The following ZNF512 variants were observed in gnomAD, a reference collection of about 807,000 sequenced individuals.
ZNF512 encodes the protein zinc finger protein 512.
A neutral mutation model predicts 77.5 loss-of-function variants in ZNF512; 25 were observed. The observed-to-expected ratio is 0.32, with a 90% CI of 0.23 to 0.45. ZNF512 has a LOEUF of 0.45. ZNF512 is among the 20% of genes least tolerant of loss of function. The probability of loss-of-function intolerance (pLI) is 1.00; values close to 1 mark genes in which losing one functional copy is unlikely to be tolerated. For synonymous variants in ZNF512, 246 were observed against 239.9 expected (o/e 1.03, Z -0.24); for missense variants, 483 against 692.6 (o/e 0.70, Z 3.40).
chr2:27,592,478 G>A (rs1045679396), intron 2 of ZNF512, among the ~76,000 whole-genome samples: 16 of 151,280 alleles, frequency 1.1e-4, no homozygotes, highest in African/African-American at 3.9e-4. Context: ...ACCACACCCA[G>A]CTAATTTTTG....
At chr2:27,592,068 C>T (rs189879029) in intron 2 of ZNF512, among the ~76,000 whole-genome samples, 2 of 152,252 alleles carry the variant, frequency 1.3e-5, no homozygotes, top group East Asian at 3.9e-4. Flanking sequence ...CTGCTCACTG[C>T]AGCCTCATCC....
At chr2:27,585,226 A>C (rs990882411) in intron 2 of ZNF512, among the ~76,000 whole-genome samples, 7 of 152,230 alleles carry the variant, frequency 4.6e-5, no homozygotes, top group Admixed American at 1.3e-4. Context: ...AACATTTGGA[A>C]CAAAAACAAA....
At chr2:27,603,861 G>C (rs1349904483) in intron 9 of ZNF512, among the ~76,000 whole-genome samples, 1 of 151,750 alleles carries the variant, frequency 6.6e-6, no homozygotes, top group Non-Finnish European at 1.5e-5. Context: ...ACCTCCCAAA[G>C]TGCTGGGATT....
At chr2:27,608,703 A>G (rs1558473703) in intron 10 of ZNF512, among the ~76,000 whole-genome samples, 2 of 152,150 alleles carry the variant, frequency 1.3e-5, no homozygotes, top group African/African-American at 4.8e-5. Context: ...AACAGGTTGA[A>G]GGGATACATA....
chr2:27,583,815 A>G, intron 2 of ZNF512, 99 bp downstream of exon 2: 1 of 1,331,246 alleles, frequency 7.5e-7, no homozygotes, highest in Non-Finnish European at 1.0e-6. Flanking sequence ...TGCATTGTCC[A>G]GTATCATAGC....
At position 27,621,248 on chromosome 2, in the gene ZNF512, G is replaced by A. The variant is rs761141976; in HGVS notation, c.1491G>A (p.Gln497=). 2.9e-5 allele frequency: 47 copies of A among 1,614,096 alleles called. No individual in the cohort carries two copies. In the East Asian group the frequency reaches 1.0e-3, roughly 34 times the overall value. ...RQQEEEKRRQ[Q]HRSRRSLRRR... is the part of the protein sequence containing the mutation. ...AAGAAGAAGAAAAGCGGAGGCAGCA[G>A]CACAGGAGCAGAAGGTCTCTAAGAA... The change falls in exon 14 of 14, where the codon CAG becomes CAA. Residue 497 remains glutamine, a synonymous_variant. Transcript: ENST00000355467.
In ZNF512 at chr2:27,613,533, C is replaced by G. The variant is rs186468622; in HGVS notation, c.1132-1635C>G. Among the ~76,000 whole-genome samples the G allele has an allele frequency of 4.1e-3, 622 of 151,956 alleles. 4 individuals are homozygous for G. Among genetic ancestry groups the G allele is most frequent in the Non-Finnish European group, 7.0e-3 (474 of 67,950 alleles). ...AAATTTATATATATATACAGTTGTC[C>G]CTCAGTACATGTGGGGCATTTGTTC... On this transcript the variant is annotated intron_variant, in intron 10 of 13. Transcript: ENST00000355467.
intron 2 of ZNF512, among the ~76,000 whole-genome samples, chr2:27,585,922 T>C (rs1671304715): frequency 6.6e-6 from 1 of 152,084 alleles, no homozygotes; most frequent in African/African-American, 2.4e-5. Flanking sequence ...TGTCCTGGGG[T>C]TGATGGGTAG....
chr2:27,601,253 T>C (rs1418191804), intron 6 of ZNF512, 103 bp from the exon 7 acceptor site: 5 of 822,714 alleles, frequency 6.1e-6, no homozygotes, highest in Non-Finnish European at 9.4e-6. Flanking sequence ...ACTATTGAGC[T>C]TGAGAAATAA....
In ZNF512 at chr2:27,599,698, A is replaced by T; in HGVS notation, c.373+20A>T. On this transcript the variant is annotated intron_variant, in intron 4 of 13. Coordinates refer to ENST00000355467, the MANE Select transcript of ZNF512 (RefSeq NM_032434.4). Reference sequence around the variant, plus strand: ...TTTATGGTAAGGCAGTAACTTTGCTACTTCTTTTTCCTTGGGTGACTGAGC... The same window carrying T: ...TTTATGGTAAGGCAGTAACTTTGCTTCTTCTTTTTCCTTGGGTGACTGAGC... 1 of 1,602,554 alleles carries T rather than the reference A, an allele frequency of 6.2e-7. No individual in the cohort carries two copies. Among genetic ancestry groups the T allele is most frequent in the South Asian group, 1.1e-5 (1 of 90,798 alleles).
intron 9 of ZNF512, 62 bp downstream of exon 9, chr2:27,603,369 C>G (rs1252363125): frequency 1.3e-6 from 2 of 1,550,878 alleles, no homozygotes; most frequent in Non-Finnish European, 8.8e-7. Flanking sequence ...GTCCTTACCC[C>G]TCTATCTTCC....
chr2:27,594,608 G>A (rs982332892), intron 2 of ZNF512, among the ~76,000 whole-genome samples: 4 of 150,448 alleles, frequency 2.7e-5, no homozygotes, highest in African/African-American at 9.8e-5. Context: ...CTTCCTAGAC[G>A]GGGTGGCGGC....
intron 2 of ZNF512, among the ~76,000 whole-genome samples, chr2:27,584,019 C>T (rs1001064670): frequency 6.6e-6 from 1 of 152,204 alleles, no homozygotes; most frequent in African/African-American, 2.4e-5. Flanking sequence ...TAGCTACTAG[C>T]CCCGTACGCC....
In ZNF512 at chr2:27,607,899, G is replaced by C. The variant is rs1672441738; in HGVS notation, c.991G>C (p.Glu331Gln). 6.2e-7 allele frequency: 1 copy of C among 1,614,050 alleles called. No individual in the cohort carries two copies. Among genetic ancestry groups the C allele is most frequent in the Admixed American group, 1.7e-5 (1 of 60,000 alleles). The part of the protein sequence containing the change: ...QPECLKEMNL[E>Q]SKSGGRVQRR... ...AGAGTGCTTAAAGGAGATGAACCTA[G>C]AGTCAAAGAGTGGGGGCCGAGTTCA... The change falls in exon 10 of 14, where the codon GAG becomes CAG. Residue 331 changes from glutamate (E) to glutamine (Q), a missense_variant. Around this residue, in one of 2 missense-constraint regions of ZNF512, gnomAD observed 324 missense variants for 525.0 expected, o/e 0.62. Coordinates refer to ENST00000355467, the MANE Select transcript of ZNF512 (RefSeq NM_032434.4).
intron 5 of ZNF512, 66 bp downstream of exon 5, chr2:27,600,119 CTG>C (rs2148019359): frequency 6.5e-7 from 1 of 1,541,302 alleles, no homozygotes; most frequent in African/African-American, 1.4e-5. Context: ...TTGGTGTTGT[CTG>C]TGAAGGAATG....
chr2:27,584,266 C>T (rs1671237459), intron 2 of ZNF512, among the ~76,000 whole-genome samples: 1 of 152,116 alleles, frequency 6.6e-6, no homozygotes, highest in Admixed American at 6.5e-5. Flanking sequence ...GAAATTCGTG[C>T]TCATAAATAC....
chr2:27,609,109 CAAA>C (rs770612268), intron 10 of ZNF512, among the ~76,000 whole-genome samples: 3 of 91,424 alleles, frequency 3.3e-5, no homozygotes, highest in Non-Finnish European at 4.6e-5. Flanking sequence ...ACTCTGTCTC[CAAA>C]AAAAAAAAAA....
intron 9 of ZNF512, among the ~76,000 whole-genome samples, chr2:27,605,160 C>T (rs922039715): frequency 3.3e-5 from 5 of 152,002 alleles, no homozygotes; most frequent in Non-Finnish European, 7.4e-5. Context: ...TAAACATTCA[C>T]AAAGGTTTTT....
intron 6 of ZNF512, 76 bp from the exon 7 acceptor site, chr2:27,601,280 A>G: frequency 9.6e-7 from 1 of 1,038,156 alleles, no homozygotes; most frequent in East Asian, 2.6e-5. Flanking sequence ...CATAGATGAA[A>G]GCATTTGAGT....
Sources: allele counts gnomAD v4.1 joint callset (sites outside exome capture counted in the v4.1 genomes callset), GRCh38; gene constraint gnomAD v4.1.1; regional missense constraint gnomAD v4.1.1; transcripts MANE v1.5; gene names NCBI Gene and HGNC (gene_info 2026-07-23, HGNC 2026-07-21).